Variants in MOK observed in about 807,000 individuals in gnomAD.
The protein encoded by MOK is MOK protein kinase.
MOK carries 59 observed loss-of-function variants against 54.2 expected under a neutral mutation model. The ratio of observed to expected loss-of-function variants is 1.09; its 90% confidence interval spans 0.88 to 1.35. MOK has a LOEUF of 1.35. Ranked by LOEUF, MOK falls within the 40% of genes most tolerant of loss-of-function variation. The probability of loss-of-function intolerance (pLI) is 0.00; values close to 1 mark genes in which losing one functional copy is unlikely to be tolerated. For synonymous variants in MOK, 210 were observed against 202.7 expected (o/e 1.04, Z -0.31); for missense variants, 517 against 526.2 (o/e 0.98, Z 0.17).
In MOK at chr14:102,233,734, C is replaced by G; in HGVS notation, c.646G>C (p.Asp216His). ...TTCTGAGCGGGTGTGCCGATGACAT[C>G]GTGGATTTTTGAGATTTGGTCCAGT... is the stretch of plus-strand genomic sequence containing the variant. ...NELDQISKIH[D>H]VIGTPAQKIL... Residue 216 changes from aspartate to histidine, a missense_variant, in exon 8 of 12, where the codon GAT (aspartate) becomes CAT (histidine). Transcript: ENST00000361847. 2 of 1,614,084 alleles carry G rather than the reference C, an allele frequency of 1.2e-6. No homozygotes were observed.
rs2064573496 is a variant in MOK at position 102,230,432 on chromosome 14, TG to T, written c.982-776del. On this transcript the variant is annotated intron_variant, in intron 10 of 11. Transcript: ENST00000361847. The surrounding 1 kb of genome is among the most constrained non-coding windows in gnomAD (Gnocchi z 4.1). The stretch of plus-strand genomic sequence containing the variant: ...CAAATTTTAGTGTCCCCAGTTCTAC[TG>T]GAACGCAGCCCCTATGTGGTTCATG... 1 of 152,274 alleles carries T rather than the reference TG, an allele frequency of 6.6e-6. No homozygotes were observed. Among genetic ancestry groups the T allele is most frequent in the Non-Finnish European group, 1.5e-5 (1 of 68,054 alleles). The allele number at this position is 152,274 out of a possible 1,614,324, so 9.4% of individuals were successfully genotyped here. A position where few individuals can be genotyped will look rare whatever the true frequency, so the allele number is the denominator to read the frequency against.
intron 2 of MOK, among the ~76,000 whole-genome samples, chr14:102,272,697 A>G (rs2068478671): frequency 6.6e-6 from 1 of 152,232 alleles, no homozygotes; most frequent in Non-Finnish European, 1.5e-5. Flanking sequence ...GTCATTTGAC[A>G]GAATTCGATA....
chr14:102,244,321 C>G (rs2065930647), intron 7 of MOK, among the ~76,000 whole-genome samples: 1 of 152,218 alleles, frequency 6.6e-6, no homozygotes, highest in Non-Finnish European at 1.5e-5. Context: ...ACCTATCAAT[C>G]TCTTCCCACA....
chr14:102,218,326 C>CT, the MOK span, among the ~76,000 whole-genome samples: 5,283 of 152,310 alleles, frequency 0.035, 286 homozygotes, highest in African/African-American at 0.12. Context: ...TCTGTCTTCT[C>CT]TGACACTCAC....
At chr14:102,247,032 C>G (rs1273120663) in intron 7 of MOK, among the ~76,000 whole-genome samples, 1 of 152,032 alleles carries the variant, frequency 6.6e-6, no homozygotes, top group Non-Finnish European at 1.5e-5. Context: ...ACGGCCGACA[C>G]CCCCATTTAT....
At chr14:102,298,220 CTG>C (rs1313909416) in intron 1 of MOK, among the ~76,000 whole-genome samples, 2 of 152,230 alleles carry the variant, frequency 1.3e-5, no homozygotes, top group Non-Finnish European at 2.9e-5. Flanking sequence ...AATCAGCACT[CTG>C]TGTCTAGCTC....
chr14:102,224,644 T>C (rs943539269), downstream of MOK: 3 of 455,946 alleles, frequency 6.6e-6, no homozygotes, highest in African/African-American at 6.0e-5. Flanking sequence ...TTTGTATGAA[T>C]GCAGCCACGG....
chr14:102,217,419 C>T, the MOK span, among the ~76,000 whole-genome samples: 3 of 152,352 alleles, frequency 2.0e-5, no homozygotes, highest in Non-Finnish European at 4.4e-5. Flanking sequence ...CAATCCTTTT[C>T]TCTGGGTGGC....
At chr14:102,227,029 C>T (rs2064278881), downstream of MOK, among the ~76,000 whole-genome samples, 2 of 152,128 alleles carry the variant, frequency 1.3e-5, no homozygotes, top group African/African-American at 2.4e-5. Context: ...CTGTTTCTTG[C>T]CTCCAGAGGG....
At chr14:102,304,829 G>C (rs1313305239) in intron 1 of MOK, 133 bp downstream of exon 1, 1 of 1,016,870 alleles carries the variant, frequency 9.8e-7, no homozygotes, top group Non-Finnish European at 1.5e-6. Flanking sequence ...GGAGCCTCCC[G>C]GGCCTGTCGA....
At chr14:102,248,115 C>T (rs1000732991) in intron 7 of MOK, among the ~76,000 whole-genome samples, 3 of 152,226 alleles carry the variant, frequency 2.0e-5, no homozygotes, top group Non-Finnish European at 2.9e-5. Context: ...GGCCAGACGC[C>T]AACGGCGCCC....
chr14:102,239,537 C>T (rs900905164), intron 7 of MOK, among the ~76,000 whole-genome samples: 1 of 152,214 alleles, frequency 6.6e-6, no homozygotes, highest in Admixed American at 6.5e-5. Context: ...AAAGGCCTCA[C>T]TGACCAGACC....
At chr14:102,276,156 G>A (rs576190626) in intron 2 of MOK, among the ~76,000 whole-genome samples, 63 of 152,266 alleles carry the variant, frequency 4.1e-4, no homozygotes, top group African/African-American at 1.5e-3. Context: ...GGAATATGGA[G>A]CAACTGGAAC....
At chr14:102,264,386 G>C (rs1231088112) in intron 3 of MOK, 1 of 152,292 alleles carries the variant, frequency 6.6e-6, no homozygotes, top group Non-Finnish European at 1.5e-5. Context: ...CATCACAAGT[G>C]TGTGATATCA....
At chr14:102,254,235 G>A (rs531462960) in intron 4 of MOK, among the ~76,000 whole-genome samples, 72 of 152,238 alleles carry the variant, frequency 4.7e-4, no homozygotes, top group African/African-American at 1.6e-3. Flanking sequence ...AGATCCGCCC[G>A]CCTCGGCCTC....
chr14:102,267,693 C>T (rs1290038152), intron 2 of MOK, among the ~76,000 whole-genome samples: 3 of 152,144 alleles, frequency 2.0e-5, no homozygotes, highest in African/African-American at 4.8e-5. Context: ...TATTTTTGGA[C>T]TAAAAGTTCT....
chr14:102,265,007 G>A (rs2067784201), intron 3 of MOK, among the ~76,000 whole-genome samples: 1 of 152,248 alleles, frequency 6.6e-6, no homozygotes, highest in African/African-American at 2.4e-5. Context: ...GCTCAGGCAG[G>A]CACCGAGGGA....
intron 7 of MOK, among the ~76,000 whole-genome samples, chr14:102,242,420 C>T (rs1244603288): frequency 1.3e-5 from 2 of 152,122 alleles, no homozygotes; most frequent in Non-Finnish European, 2.9e-5. Context: ...TATTCCTAGA[C>T]TATAGCCACA....
chr14:102,290,028 C>T (rs889323585), intron 1 of MOK, among the ~76,000 whole-genome samples: 1 of 152,096 alleles, frequency 6.6e-6, no homozygotes, highest in African/African-American at 2.4e-5. Flanking sequence ...CAGGTCTCCA[C>T]CCTATTTCCC....
Sources: allele counts gnomAD v4.1 joint callset (sites outside exome capture counted in the v4.1 genomes callset), GRCh38; gene constraint gnomAD v4.1.1; non-coding constraint Gnocchi (gnomAD v3.1); transcripts MANE v1.5; gene names NCBI Gene and HGNC (gene_info 2026-07-23, HGNC 2026-07-21).